The following COL15A1 variants were observed in gnomAD, a reference collection of about 807,000 sequenced individuals.
The protein encoded by COL15A1 is collagen type XV alpha 1 chain.
COL15A1 carries 111 observed loss-of-function variants against 165.9 expected under a neutral mutation model. The ratio of observed to expected loss-of-function variants is 0.67; its 90% CI spans 0.57 to 0.78. COL15A1 has a LOEUF of 0.78. Ranked by LOEUF, COL15A1 falls within the 30% of genes least tolerant of loss-of-function variation. The probability of loss-of-function intolerance (pLI) is 0.00; values close to 1 mark genes in which losing one functional copy is unlikely to be tolerated. For synonymous variants in COL15A1, 659 were observed against 674.8 expected, an observed-to-expected ratio of 0.98 and a Z score of 0.36; for missense variants, 1,745 against 1,789.7, an observed-to-expected ratio of 0.98 and a Z score of 0.45.
chr9:99,015,399 A>C lies in COL15A1; in HGVS notation c.1354-18A>C, dbSNP rs1172626415. 3 of 1,595,094 alleles carry C rather than the reference A, an allele frequency of 1.9e-6. No individual in the cohort carries two copies. Among genetic ancestry groups the C allele is most frequent in the Non-Finnish European group, 2.6e-6 (3 of 1,164,092 alleles). On this transcript the variant is annotated intron_variant, in intron 9 of 41. Coordinates refer to ENST00000375001, the MANE Select transcript of COL15A1 (RefSeq NM_001855.5). ...CATGGGCGAAGGGGCACAGCTCCTCATGCCAATTTCATTTCAGGGTCCAAG... is the reference window on the plus strand; with the variant it reads ...CATGGGCGAAGGGGCACAGCTCCTCCTGCCAATTTCATTTCAGGGTCCAAG...
At chr9:99,064,384 G>T (rs2117990511) in intron 39 of COL15A1, among the ~76,000 whole-genome samples, 1 of 152,260 alleles carries the variant, frequency 6.6e-6, no homozygotes, top group East Asian at 1.9e-4. Flanking sequence ...TGCTGCTATT[G>T]ACCAAGGAGG....
At chr9:98,955,550 G>A (rs1415594345) in intron 2 of COL15A1, among the ~76,000 whole-genome samples, 1 of 152,220 alleles carries the variant, frequency 6.6e-6, no homozygotes, top group Non-Finnish European at 1.5e-5. Context: ...CAAAGTCTAT[G>A]TGCGCCTCCA....
chr9:98,993,121 C>T (rs181295825), intron 5 of COL15A1, among the ~76,000 whole-genome samples: 2 of 152,220 alleles, frequency 1.3e-5, no homozygotes, highest in Non-Finnish European at 2.9e-5. Flanking sequence ...GTGACTTAAG[C>T]TCTCCAAGGC....
At chr9:99,027,087 G>A (rs1280818963) in intron 16 of COL15A1, among the ~76,000 whole-genome samples, 2 of 152,216 alleles carry the variant, frequency 1.3e-5, no homozygotes, top group South Asian at 4.1e-4. Flanking sequence ...CCTGGGGCGT[G>A]TATGTGTAGG....
At chr9:99,030,473 C>T (rs1588523683) in intron 16 of COL15A1, among the ~76,000 whole-genome samples, 1 of 152,126 alleles carries the variant, frequency 6.6e-6, no homozygotes, top group African/African-American at 2.4e-5. Flanking sequence ...ACTCTTCTAC[C>T]CACAAGTTAA....
intron 36 of COL15A1, among the ~76,000 whole-genome samples, chr9:99,061,187 G>A (rs1825809459): frequency 6.6e-6 from 1 of 152,170 alleles, no homozygotes. Context: ...TACATATGAT[G>A]GAATTCTGAT....
chr9:98,944,029 C>T lies in COL15A1; in HGVS notation c.-33C>T, dbSNP rs776895783. 4 of 1,613,504 alleles carry T rather than the reference C, an allele frequency of 2.5e-6. No individual in the cohort carries two copies. Among genetic ancestry groups the T allele is most frequent in the Admixed American group, 1.7e-5 (1 of 59,980 alleles). On this transcript the variant is annotated 5_prime_UTR_variant, in exon 1 of 42. Transcript: ENST00000375001. ...AGCTCCAACGCTCTGCTCGACTAGC[C>T]GCGCGCCTTCCGGGGCTCCGCAGAC...
At chr9:98,952,328 A>G (rs1191194596) in intron 2 of COL15A1, among the ~76,000 whole-genome samples, 1 of 152,172 alleles carries the variant, frequency 6.6e-6, no homozygotes, top group African/African-American at 2.4e-5. Flanking sequence ...TGTAATAACT[A>G]GTTAGGCTGG....
intron 6 of COL15A1, among the ~76,000 whole-genome samples, chr9:98,997,403 T>TA (rs1838566899): frequency 6.6e-6 from 1 of 152,224 alleles, no homozygotes; most frequent in South Asian, 2.1e-4. Flanking sequence ...AAGTTTGTAA[T>TA]AATCCTTGCT....
intron 16 of COL15A1, among the ~76,000 whole-genome samples, chr9:99,033,362 T>G (rs968527824): frequency 3.6e-5 from 5 of 137,508 alleles, no homozygotes; most frequent in African/African-American, 1.3e-4. Flanking sequence ...AATTAAGGTA[T>G]CCATATTTTC....
At chr9:99,004,706 G>A (rs1190631576) in intron 8 of COL15A1, among the ~76,000 whole-genome samples, 192 bp from the exon 9 acceptor site, 1 of 152,108 alleles carries the variant, frequency 6.6e-6, no homozygotes, top group East Asian at 1.9e-4. Flanking sequence ...ATGCTGGGGT[G>A]GTCTCGCAGC....
chr9:98,987,334 C>T lies in COL15A1; in HGVS notation c.689C>T (p.Thr230Ile). The part of the protein sequence containing the change: ...QQLTVHPDPR[T>I]PEELCDPEES... ...CTCACCGTGCACCCCGACCCCAGGA[C>T]TCCCGAGGAGCTGTGTGACCCTGAA... is the stretch of plus-strand genomic sequence containing the variant. The change falls in exon 4 of 42, where the codon ACT becomes ATT. Residue 230 changes from threonine (T) to isoleucine (I), a missense_variant. By Grantham distance (89) the Thr-to-Ile change is moderately conservative. Coordinates refer to ENST00000375001, the MANE Select transcript of COL15A1 (RefSeq NM_001855.5). The T allele has an allele frequency of 1.2e-6, 2 of 1,613,550 alleles. No individual in the cohort carries two copies. Among genetic ancestry groups the T allele is most frequent in the South Asian group, 1.1e-5 (1 of 91,000 alleles).
At chr9:99,044,164 G>A (rs1331699891) in intron 24 of COL15A1, among the ~76,000 whole-genome samples, 1 of 152,146 alleles carries the variant, frequency 6.6e-6, no homozygotes, top group South Asian at 2.1e-4. Context: ...TACATTGGGA[G>A]CCAGAGCTTC....
intron 15 of COL15A1, 34 bp downstream of exon 15, chr9:99,025,033 G>T (rs772607072): frequency 1.2e-6 from 2 of 1,603,610 alleles, no homozygotes; most frequent in Admixed American, 1.7e-5. Context: ...CATCTCTGTG[G>T]CTGTGGGGCT....
At position 99,025,960 on chromosome 9, in the gene COL15A1, G is replaced by A. The variant is rs1839117283; in HGVS notation, c.2037G>A (p.Gly679=). 2 of 1,611,596 alleles carry A rather than the reference G, an allele frequency of 1.2e-6. No individual in the cohort carries two copies. Among genetic ancestry groups the A allele is most frequent in the South Asian group, 1.1e-5 (1 of 90,508 alleles). ...CCACCGGCCTTCCCGGGATGAAAGGGGAGAAGGTACGGGGAACACGGGAGG... is the reference window on the plus strand; with the variant it reads ...CCACCGGCCTTCCCGGGATGAAAGGAGAGAAGGTACGGGGAACACGGGAGG... ...DGATGLPGMK[G]EKGARGPNGS... The change falls in exon 16 of 42, where the codon GGG becomes GGA. Residue 679 remains glycine, a synonymous_variant. Transcript: ENST00000375001.
intron 40 of COL15A1, 63 bp from the exon 41 acceptor site, chr9:99,068,492 A>C: frequency 1.5e-6 from 1 of 672,914 alleles, no homozygotes; most frequent in South Asian, 3.2e-5. Context: ...AAAAAGAGTA[A>C]AAATCTAACT....
At chr9:99,056,055 G>A (rs747780342) in intron 34 of COL15A1, among the ~76,000 whole-genome samples, 1 of 152,214 alleles carries the variant, frequency 6.6e-6, no homozygotes, top group African/African-American at 2.4e-5. Context: ...GAGTCTCTGG[G>A]GTTCTCTGTA....
chr9:98,997,219 TCA>T, intron 6 of COL15A1, 138 bp downstream of exon 6: 1 of 1,061,044 alleles, frequency 9.4e-7, no homozygotes, highest in Non-Finnish European at 1.3e-6. Flanking sequence ...AGAACCACCC[TCA>T]TTTTACAGAC....
intron 35 of COL15A1, among the ~76,000 whole-genome samples, chr9:99,059,601 G>A (rs7857774): frequency 0.11 from 17,020 of 152,252 alleles, 1,054 homozygotes; most frequent in East Asian, 0.2. Context: ...ACTTAAGCTG[G>A]CTTTTATAAA....
Sources: allele counts gnomAD v4.1 joint callset (sites outside exome capture counted in the v4.1 genomes callset), GRCh38; gene constraint gnomAD v4.1.1; transcripts MANE v1.5; gene names NCBI Gene and HGNC (gene_info 2026-07-23, HGNC 2026-07-21).